EVL: variants seen among roughly 807,000 people sequenced by gnomAD.
EVL encodes ena/VASP-like protein.
EVL carries 21 observed loss-of-function variants against 59.6 expected under a neutral mutation model. The ratio of observed to expected loss-of-function variants is 0.35; its 90% CI spans 0.25 to 0.51. The LOEUF (loss-of-function observed/expected upper bound fraction) is 0.51. Ranked by LOEUF, EVL falls within the 20% of genes least tolerant of loss-of-function variation. The probability of loss-of-function intolerance (pLI) is 0.97; values close to 1 mark genes in which losing one functional copy is unlikely to be tolerated. For missense variants in EVL, 462 were observed against 546.6 expected (o/e 0.85, Z 1.54); for synonymous variants, 198 against 203.5 (o/e 0.97, Z 0.23).
intron 1 of EVL, among the ~76,000 whole-genome samples, chr14:99,996,365 T>A (rs2060914284): frequency 6.6e-6 from 1 of 152,150 alleles, no homozygotes; most frequent in Admixed American, 6.5e-5. Context: ...TGTTTTCTAT[T>A]CCATCATCTT....
chr14:100,056,101 C>T lies in EVL; in HGVS notation c.6-28586C>T, dbSNP rs187648277. ...CTGGGATTACAGGCGTGAGCCACCG[C>T]GCCTGGCCCACGTTGTTTTCGTATC... is the stretch of plus-strand genomic sequence containing the variant. On this transcript the variant is annotated intron_variant, in intron 1 of 13. Coordinates refer to the EVL transcript ENST00000402714. 4.3e-3 allele frequency among the ~76,000 whole-genome samples: 650 copies of T among 151,930 alleles called. 8 individuals carry two copies. The highest frequency in any genetic ancestry group is 7.0e-3 in the Non-Finnish European group (473 of 67,812).
intron 1 of EVL, among the ~76,000 whole-genome samples, chr14:100,033,450 A>G (rs1280089265): frequency 1.3e-5 from 2 of 152,240 alleles, no homozygotes; most frequent in Non-Finnish European, 2.9e-5. Context: ...CACCTCCTCA[A>G]AGTCACACTG....
At chr14:100,047,443 A>G (rs2061571654) in intron 1 of EVL, among the ~76,000 whole-genome samples, 1 of 152,020 alleles carries the variant, frequency 6.6e-6, no homozygotes, top group Non-Finnish European at 1.5e-5. Flanking sequence ...ACACAGAAGG[A>G]TCCGTTCTTT....
upstream of EVL, among the ~76,000 whole-genome samples, chr14:100,061,652 T>C (rs373280290): frequency 4.2e-4 from 64 of 152,056 alleles, no homozygotes; most frequent in African/African-American, 1.4e-3. Context: ...CCACCTAAAC[T>C]TTTGCATCCC....
chr14:99,997,499 A>G (rs1001425619), intron 1 of EVL, among the ~76,000 whole-genome samples: 7 of 152,236 alleles, frequency 4.6e-5, no homozygotes, highest in African/African-American at 1.7e-4. Flanking sequence ...AAGATGAATG[A>G]TTTTGATTCT....
In EVL at chr14:100,130,501, T is replaced by G. The variant is rs1204607907; in HGVS notation, c.839+817T>G. Among the ~76,000 whole-genome samples the G allele has an allele frequency of 6.6e-6, 1 of 152,208 alleles. No homozygotes were observed. The highest frequency in any genetic ancestry group is 2.4e-5 in the African/African-American group (1 of 41,464). ...AAGCTGCAGCGGGGGCCCTGCTCCCTTGGTAACCCCACCTCCACCCCCTGC... is the reference window on the plus strand; with the variant it reads ...AAGCTGCAGCGGGGGCCCTGCTCCCGTGGTAACCCCACCTCCACCCCCTGC... On this transcript the variant is annotated intron_variant, in intron 7 of 13. Transcript: ENST00000392920. The surrounding 1 kb of genome is among the most constrained non-coding windows in gnomAD (Gnocchi z 4.8).
At chr14:100,098,286 C>T (rs995576523) in intron 3 of EVL, among the ~76,000 whole-genome samples, 3 of 152,124 alleles carry the variant, frequency 2.0e-5, no homozygotes, top group African/African-American at 7.2e-5. Context: ...CCGTCTGAGC[C>T]GGAGTTCTGG....
intron 1 of EVL, among the ~76,000 whole-genome samples, chr14:100,031,682 A>G (rs958102596): frequency 6.6e-6 from 1 of 152,222 alleles, no homozygotes; most frequent in Non-Finnish European, 1.5e-5. Context: ...ACAGACATGA[A>G]GAATTCTTTT....
At chr14:100,023,371 A>ATTTTT (rs1010647617) in intron 1 of EVL, among the ~76,000 whole-genome samples, 5 of 90,748 alleles carry the variant, frequency 5.5e-5, no homozygotes, top group Non-Finnish European at 8.2e-5. Flanking sequence ...AGCCCGGCTA[A>ATTTTT]TTTTTTTTTT....
chr14:100,122,516 A>G (rs536651341), intron 3 of EVL, among the ~76,000 whole-genome samples: 2 of 152,348 alleles, frequency 1.3e-5, no homozygotes, highest in South Asian at 4.1e-4. Context: ...GGGAAGAACC[A>G]CTAAGACCTT....
intron 3 of EVL, among the ~76,000 whole-genome samples, chr14:100,113,470 C>A (rs909432424): frequency 1.3e-5 from 2 of 152,138 alleles, no homozygotes; most frequent in African/African-American, 2.4e-5. Flanking sequence ...CTCTCTAGCC[C>A]CTCAGGTGCG....
chr14:100,032,315 C>G (rs1044322704), intron 1 of EVL, among the ~76,000 whole-genome samples: 2 of 152,152 alleles, frequency 1.3e-5, no homozygotes, highest in African/African-American at 4.8e-5. Flanking sequence ...AAGGTTGACA[C>G]GTTTTGCTAC....
intron 1 of EVL, among the ~76,000 whole-genome samples, chr14:99,982,202 T>C (rs1250658216): frequency 6.6e-6 from 1 of 152,204 alleles, no homozygotes; most frequent in Non-Finnish European, 1.5e-5. Context: ...TTTTACAAAA[T>C]TGAAAGTGTA....
chr14:99,976,250 C>T (rs749324882), intron 1 of EVL, among the ~76,000 whole-genome samples: 1 of 151,784 alleles, frequency 6.6e-6, no homozygotes, highest in Non-Finnish European at 1.5e-5. Context: ...CTGTGTTGCC[C>T]AGGCTGGTCT....
At chr14:100,093,370 A>G (rs2062605123) in intron 2 of EVL, among the ~76,000 whole-genome samples, 1 of 152,184 alleles carries the variant, frequency 6.6e-6, no homozygotes, top group South Asian at 2.1e-4. Flanking sequence ...TGATATGAGC[A>G]ACTTGTCTAA....
intron 1 of EVL, among the ~76,000 whole-genome samples, chr14:100,036,747 C>G (rs2061394701): frequency 6.6e-6 from 1 of 152,194 alleles, no homozygotes; most frequent in African/African-American, 2.4e-5. Context: ...GCAGTGTTAT[C>G]TTCTGTCTAG....
chr14:100,009,952 A>G (rs2061005968), intron 1 of EVL, among the ~76,000 whole-genome samples: 1 of 152,236 alleles, frequency 6.6e-6, no homozygotes, highest in Non-Finnish European at 1.5e-5. Flanking sequence ...GTTCAGGTTA[A>G]GATAAAGGAT....
At chr14:100,123,502 C>T (rs1297945968) in intron 3 of EVL, 37 bp from the exon 4 acceptor site, 3 of 1,611,284 alleles carry the variant, frequency 1.9e-6, no homozygotes, top group East Asian at 2.2e-5. Context: ...GCCTTTCTTC[C>T]TCTAACCACA....
At chr14:99,979,438 C>G (rs375234750) in intron 1 of EVL, among the ~76,000 whole-genome samples, 1 of 151,822 alleles carries the variant, frequency 6.6e-6, no homozygotes, top group African/African-American at 2.4e-5. Context: ...ATATTTCTGA[C>G]ATTTAAGTTA....
Sources: allele counts gnomAD v4.1 joint callset (sites outside exome capture counted in the v4.1 genomes callset), GRCh38; gene constraint gnomAD v4.1.1; non-coding constraint Gnocchi (gnomAD v3.1); transcripts MANE v1.5; gene names NCBI Gene and HGNC (gene_info 2026-07-23, HGNC 2026-07-21).